PDZD2: variants seen among roughly 807,000 people sequenced by gnomAD.
PDZD2 encodes PDZ domain containing 2.
PDZD2 carries 90 observed loss-of-function variants against 220.7 expected under a neutral mutation model. The observed-to-expected ratio is 0.41, with a 90% CI of 0.34 to 0.49. The LOEUF is 0.49. Ranked by LOEUF, PDZD2 falls within the 20% of genes least tolerant of loss-of-function variation. The probability of loss-of-function intolerance (pLI) is 0.28; values close to 1 mark genes in which losing one functional copy is unlikely to be tolerated. For missense variants in PDZD2, 3,174 were observed against 3,608.5 expected (o/e 0.88, Z 3.08); for synonymous variants, 1,375 against 1,450.5 (o/e 0.95, Z 1.18).
chr5:31,766,514 C>T (rs1017157135), intron 1 of PDZD2, among the ~76,000 whole-genome samples: 2 of 151,984 alleles, frequency 1.3e-5, no homozygotes, highest in Non-Finnish European at 2.9e-5. Flanking sequence ...CCATCATCCC[C>T]GAGTAGGTGG....
chr5:31,927,059 G>A (rs1744848906), intron 2 of PDZD2, among the ~76,000 whole-genome samples: 1 of 152,170 alleles, frequency 6.6e-6, no homozygotes, highest in South Asian at 2.1e-4. Context: ...AGATGCTGGA[G>A]ACTACTAGAG....
intron 4 of PDZD2, 46 bp downstream of exon 4, chr5:31,995,764 C>T (rs1253964377): frequency 3.2e-6 from 5 of 1,541,168 alleles, no homozygotes; most frequent in Non-Finnish European, 4.4e-6. Context: ...TGCCTCCTCT[C>T]CTTCCCTCTC....
In PDZD2 at chr5:32,089,381, G is replaced by A. The variant is rs374757036; in HGVS notation, c.5933G>A (p.Ser1978Asn). ...CTGAAACCCTCAGTGTCTGACACGA[G>A]CATCAGGACATTTGTCTCGCCCCTG... ...GPLKPSVSDT[S>N]IRTFVSPLTS... Residue 1978 changes from serine to asparagine, a missense_variant, in exon 20 of 25, where the codon AGC (serine) becomes AAC (asparagine). Transcript: ENST00000438447. The A allele has an allele frequency of 1.9e-6, 3 of 1,614,072 alleles. No individual in the cohort carries two copies. Among genetic ancestry groups the A allele is most frequent in the Non-Finnish European group, 1.7e-6 (2 of 1,180,032 alleles).
intron 7 of PDZD2, among the ~76,000 whole-genome samples, chr5:32,040,455 T>C (rs1755983105): frequency 1.4e-5 from 2 of 142,626 alleles, no homozygotes; most frequent in African/African-American, 5.3e-5. Flanking sequence ...GTCTGCGATG[T>C]GAGGAGCGCC....
chr5:31,949,081 G>A (rs1034425202), intron 2 of PDZD2, among the ~76,000 whole-genome samples: 19 of 120,396 alleles, frequency 1.6e-4, no homozygotes, highest in African/African-American at 5.9e-4. Context: ...CTGGGTGACA[G>A]AGTGAGACTC....
intron 6 of PDZD2, among the ~76,000 whole-genome samples, chr5:32,029,505 T>C (rs1183578421): frequency 1.3e-5 from 2 of 152,176 alleles, no homozygotes; most frequent in African/African-American, 4.8e-5. Context: ...TTTAGGGCTT[T>C]ATGTTCACAT....
intron 6 of PDZD2, among the ~76,000 whole-genome samples, chr5:32,026,548 TGCAC>T (rs1440027957): frequency 1.3e-5 from 2 of 151,014 alleles, no homozygotes; most frequent in African/African-American, 2.5e-5. Flanking sequence ...TGCGTGCACG[TGCAC>T]GCACGCACAC....
chr5:32,041,602 G>GCCGCCCCGTC (rs1756153587), intron 7 of PDZD2, among the ~76,000 whole-genome samples: 1 of 152,056 alleles, frequency 6.6e-6, no homozygotes, highest in South Asian at 2.1e-4. Flanking sequence ...ATTAAGGGCG[G>GCCGCCCCGTC]TGCAAGATGT....
At chr5:32,076,706 G>A (rs1244859081) in intron 18 of PDZD2, among the ~76,000 whole-genome samples, 1 of 152,130 alleles carries the variant, frequency 6.6e-6, no homozygotes, top group Non-Finnish European at 1.5e-5. Context: ...AATGCAATAT[G>A]ACCCACCACC....
intron 1 of PDZD2, among the ~76,000 whole-genome samples, chr5:31,737,529 G>A (rs914781416): frequency 1.2e-4 from 18 of 152,142 alleles, no homozygotes; most frequent in Non-Finnish European, 2.4e-4. Flanking sequence ...ACTGTACAGC[G>A]TTCACACTAA....
chr5:31,972,175 G>A (rs573783202), intron 2 of PDZD2, among the ~76,000 whole-genome samples: 2 of 152,248 alleles, frequency 1.3e-5, no homozygotes, highest in East Asian at 1.9e-4. Flanking sequence ...GTGCAATGGC[G>A]CAGTCTTGGT....
rs568171974 is a variant in PDZD2 at position 31,639,763 on chromosome 5, C to T, written c.-361+326C>T. On this transcript the variant is annotated intron_variant, in intron 1 of 24. Coordinates refer to ENST00000438447, the MANE Select transcript of PDZD2 (RefSeq NM_178140.4). This position sits in a 1 kb window ranked among gnomAD's most constrained non-coding sequence, Gnocchi z 4.1. ...ACAGGGCCGGGACCTCCTGCTCGGG[C>T]GCGCATCCCGGGTCCCCATCCCTGG... 6.6e-6 allele frequency among the ~76,000 whole-genome samples: 1 copy of T among 152,308 alleles called. No homozygotes were observed. Among genetic ancestry groups the T allele is most frequent in the South Asian group, 2.1e-4 (1 of 4,824 alleles).
intron 10 of PDZD2, 127 bp from the exon 11 acceptor site, chr5:32,057,528 A>C: frequency 1.5e-6 from 1 of 653,380 alleles, no homozygotes; most frequent in Non-Finnish European, 2.8e-6. Context: ...TAAGCTAAAC[A>C]ATAAAAGTTA....
intron 2 of PDZD2, among the ~76,000 whole-genome samples, chr5:31,815,286 G>GTT (rs201741494): frequency 8.8e-6 from 1 of 113,492 alleles, no homozygotes; most frequent in Non-Finnish European, 1.6e-5. Context: ...GGTGGCAGAT[G>GTT]TCTCATCAGA....
chr5:32,004,113 G>A (rs7727704), intron 5 of PDZD2, among the ~76,000 whole-genome samples: 9,966 of 151,804 alleles, frequency 0.066, 985 homozygotes, highest in African/African-American at 0.22. Flanking sequence ...AGGTGGGGGG[G>A]CCACTTATGG....
At chr5:31,761,846 G>A (rs1253566038) in intron 1 of PDZD2, among the ~76,000 whole-genome samples, 1 of 139,552 alleles carries the variant, frequency 7.2e-6, no homozygotes, top group Non-Finnish European at 1.5e-5. Flanking sequence ...GGGTGACAGA[G>A]CAAAACTACA....
chr5:31,830,400 T>A (rs1756508604), intron 2 of PDZD2, among the ~76,000 whole-genome samples: 1 of 151,188 alleles, frequency 6.6e-6, no homozygotes, highest in African/African-American at 2.4e-5. Context: ...ATGGTCTTGA[T>A]CTCCTGACCT....
At chr5:32,064,398 C>T (rs899190276) in intron 14 of PDZD2, among the ~76,000 whole-genome samples, 6 of 151,908 alleles carry the variant, frequency 3.9e-5, no homozygotes, top group Non-Finnish European at 7.4e-5. Context: ...GGCGCTGCCA[C>T]GCTCAACTAA....
intron 1 of PDZD2, among the ~76,000 whole-genome samples, chr5:31,675,055 T>C (rs1386462229): frequency 6.6e-6 from 1 of 152,118 alleles, no homozygotes; most frequent in Non-Finnish European, 1.5e-5. Flanking sequence ...ATGGAAAGGA[T>C]GAGAACAGAG....
Sources: gnomAD v4.1 joint callset for allele counts (sites outside exome capture counted in the v4.1 genomes callset) on GRCh38, gnomAD v4.1.1 for gene constraint, Gnocchi (gnomAD v3.1) non-coding constraint, MANE v1.5 for transcripts, NCBI Gene and HGNC (gene_info 2026-07-23, HGNC 2026-07-21) for gene names.